NTM: variants seen among roughly 807,000 people sequenced by gnomAD.
NTM encodes neurotrimin.
In NTM, 13 loss-of-function variants were observed where a neutral mutation model predicts 42.1. The ratio of observed to expected loss-of-function variants is 0.31; its 90% CI spans 0.20 to 0.49. The LOEUF is 0.49. NTM is among the 20% of genes least tolerant of loss of function. The pLI is 0.99. For synonymous variants in NTM, 187 were observed against 179.2 expected (o/e 1.04, Z -0.35); for missense variants, 373 against 452.8 (o/e 0.82, Z 1.60).
chr11:131,754,842 G>A lies in NTM; in HGVS notation c.83-156722G>A, dbSNP rs78629146. On this transcript the variant is annotated intron_variant, in intron 1 of 8. Coordinates refer to ENST00000683400, the MANE Select transcript of NTM (RefSeq NM_001352005.2). Reference sequence around the variant, plus strand: ...ACAGTAAATCCAAACAATGAAATATGACTCAGCAGTAAAAAGGAATGCGCT... The same window carrying A: ...ACAGTAAATCCAAACAATGAAATATAACTCAGCAGTAAAAAGGAATGCGCT... 7.2e-3 allele frequency among the ~76,000 whole-genome samples: 1,102 copies of A among 152,270 alleles called. 8 individuals are homozygous for A. Among genetic ancestry groups the A allele is most frequent in the African/African-American group, 0.024 (1,011 of 41,550 alleles).
intron 1 of NTM, among the ~76,000 whole-genome samples, chr11:131,587,247 G>A (rs1392209946): frequency 6.6e-6 from 1 of 152,124 alleles, no homozygotes; most frequent in Non-Finnish European, 1.5e-5. Context: ...AGGAGATCGA[G>A]ACCATCCTGG....
chr11:132,303,944 T>C (rs754741870), intron 4 of NTM, among the ~76,000 whole-genome samples: 3 of 152,110 alleles, frequency 2.0e-5, no homozygotes, highest in Non-Finnish European at 2.9e-5. Flanking sequence ...ATTCTGATTG[T>C]GCAGATGAAG....
chr11:131,923,290 A>G (rs1188769845), intron 2 of NTM, among the ~76,000 whole-genome samples: 3 of 152,234 alleles, frequency 2.0e-5, no homozygotes, highest in Non-Finnish European at 4.4e-5. Flanking sequence ...TATAGTGATT[A>G]CATTACTGCC....
rs574031096 is a variant in NTM, at chr11:131,896,751, T to G, written c.83-14813T>G. Among the ~76,000 whole-genome samples, 17 of 147,242 alleles carry G rather than the reference T, an allele frequency of 1.2e-4. No homozygotes were observed. In the South Asian group the frequency reaches 3.1e-3, roughly 26 times the overall value. ...TCGCCCAGGCTGGAGTGCGGTGGTG[T>G]GATCTCAGCTCACTGCAAGCTCCGC... On this transcript the variant is annotated intron_variant, in intron 1 of 8. Coordinates refer to ENST00000683400, the MANE Select transcript of NTM (RefSeq NM_001352005.2).
At chr11:132,174,013 A>G (rs937575630) in intron 3 of NTM, among the ~76,000 whole-genome samples, 2 of 152,214 alleles carry the variant, frequency 1.3e-5, no homozygotes, top group East Asian at 1.9e-4. Context: ...GGCTTGGACC[A>G]TGTCTTATAC....
chr11:131,492,992 C>T (rs2136306166), intron 1 of NTM, among the ~76,000 whole-genome samples: 1 of 152,164 alleles, frequency 6.6e-6, no homozygotes, highest in South Asian at 2.1e-4. Context: ...CTGAGGCAGG[C>T]AGATCGCTTG....
intron 1 of NTM, among the ~76,000 whole-genome samples, chr11:131,761,809 CAATAAATAAATAAATAAATAAATAAATA>C (rs200691057): frequency 1.4e-5 from 2 of 139,234 alleles, no homozygotes; most frequent in African/African-American, 2.7e-5. Context: ...AACTCTGTCT[CAATAAATAAATAAATAAATAAATAAATA>C]AATAAATAAA....
intron 1 of NTM, among the ~76,000 whole-genome samples, chr11:131,814,265 TCTG>T (rs2136337151): frequency 6.6e-6 from 1 of 152,286 alleles, no homozygotes; most frequent in South Asian, 2.1e-4. Flanking sequence ...TGTTTCCCTT[TCTG>T]GCTACTCAGC....
intron 1 of NTM, among the ~76,000 whole-genome samples, chr11:131,653,749 C>T (rs2066811275): frequency 6.6e-6 from 1 of 152,180 alleles, no homozygotes; most frequent in African/African-American, 2.4e-5. Context: ...AAAGCACCCC[C>T]TCAGAGGGCT....
chr11:131,602,608 G>A (rs943214435), intron 1 of NTM, among the ~76,000 whole-genome samples: 2 of 152,010 alleles, frequency 1.3e-5, no homozygotes, highest in Admixed American at 6.6e-5. Flanking sequence ...CATTTAAATG[G>A]CATCTTTATG....
At chr11:132,044,518 C>G (rs936392484) in intron 2 of NTM, among the ~76,000 whole-genome samples, 2 of 152,132 alleles carry the variant, frequency 1.3e-5, no homozygotes, top group Non-Finnish European at 1.5e-5. Flanking sequence ...AGTAGCACCT[C>G]TTTGTGGATC....
At position 131,874,025 on chromosome 11, in the gene NTM, AATATAATATATATAT is replaced by A. The variant is rs1339331018; in HGVS notation, c.83-37533_83-37519del. ...TACATATAATATATTTATATAATAT[AATATAATATATATAT>A]ATATATATATATATATATATATATA... On this transcript the variant is annotated intron_variant, in intron 1 of 8. Transcript: ENST00000683400. 8.0e-5 allele frequency among the ~76,000 whole-genome samples: 6 copies of A among 75,456 alleles called. 1 individual carries two copies. In the Admixed American group the frequency reaches 1.2e-3, roughly 16 times the overall value. 49.5% of individuals were successfully genotyped at this position (75,456 alleles called of 152,430 possible).
rs60100738 is a variant in NTM at position 131,673,058 on chromosome 11, G to A, written c.83-238506G>A. Among the ~76,000 whole-genome samples the A allele has an allele frequency of 2.4e-4, 36 of 150,860 alleles. No individual in the cohort carries two copies. The East Asian group carries it at 5.9e-3, about 25-fold the overall frequency. ...ACCACGGTGCCGGGGTGGGGGTGGG[G>A]AGTGACCTCGTTCCTTGTCTATTTT... On this transcript the variant is annotated intron_variant, in intron 1 of 8. Transcript: ENST00000683400.
At chr11:131,873,978 T>A (rs12419070) in intron 1 of NTM, among the ~76,000 whole-genome samples, 2 of 129,636 alleles carry the variant, frequency 1.5e-5, no homozygotes, top group Non-Finnish European at 3.2e-5. Flanking sequence ...TATTATATAT[T>A]ATATATTATA....
chr11:131,878,885 C>A (rs2049021391), intron 1 of NTM, among the ~76,000 whole-genome samples: 1 of 151,736 alleles, frequency 6.6e-6, no homozygotes, highest in African/African-American at 2.4e-5. Context: ...AAGAGGAGTT[C>A]CCACCACCCC....
intron 4 of NTM, among the ~76,000 whole-genome samples, chr11:132,239,178 A>G (rs2089702790): frequency 1.3e-5 from 2 of 152,238 alleles, no homozygotes; most frequent in African/African-American, 2.4e-5. Context: ...AAATGTCGTA[A>G]GAAATTACTT....
At chr11:132,259,549 G>A (rs1476691758) in intron 4 of NTM, among the ~76,000 whole-genome samples, 1 of 151,682 alleles carries the variant, frequency 6.6e-6, no homozygotes, top group Non-Finnish European at 1.5e-5. Flanking sequence ...GCGTGGTGGT[G>A]CACACCTGTA....
intron 1 of NTM, among the ~76,000 whole-genome samples, chr11:131,540,154 G>GTTTTTTT (rs57022166): frequency 1.2e-5 from 1 of 86,684 alleles, no homozygotes; most frequent in South Asian, 5.6e-4. Context: ...ATTTAAGCTT[G>GTTTTTTT]TTTTTTTTTT....
intron 4 of NTM, among the ~76,000 whole-genome samples, chr11:132,212,617 T>C (rs139623950): frequency 2.7e-3 from 413 of 152,310 alleles, no homozygotes; most frequent in African/African-American, 9.5e-3. Flanking sequence ...GGTTTTGTTG[T>C]TGTTTTACTC....
Sources: gnomAD v4.1 joint callset for allele counts (sites outside exome capture counted in the v4.1 genomes callset) on GRCh38, gnomAD v4.1.1 for gene constraint, MANE v1.5 for transcripts, NCBI Gene and HGNC (gene_info 2026-07-23, HGNC 2026-07-21) for gene names.